HTR2C: variants seen among roughly 807,000 people sequenced by gnomAD.
HTR2C encodes the protein 5-hydroxytryptamine receptor 2C.
Under a neutral mutation model 21.0 loss-of-function variants are expected in HTR2C, and 5 were observed. That is an observed-to-expected ratio of 0.24 (90% confidence interval 0.12 to 0.50). The LOEUF (loss-of-function observed/expected upper bound fraction) is 0.50, where lower values mean the gene tolerates loss of function less well. HTR2C is among the 20% of genes least tolerant of loss of function. The probability of loss-of-function intolerance (pLI) is 0.98; values close to 1 mark genes in which losing one functional copy is unlikely to be tolerated. For missense variants in HTR2C, 271 were observed against 371.2 expected (o/e 0.73, Z 2.22); for synonymous variants, 150 against 145.3 (o/e 1.03, Z -0.23).
intron 2 of HTR2C, among the ~76,000 whole-genome samples, chrX:114,626,685 G>T (rs1312455961): frequency 8.9e-6 from 1 of 112,312 alleles, no homozygotes; most frequent in Non-Finnish European, 1.9e-5. Flanking sequence ...TTAGAGAATT[G>T]ATTTATATTC....
chrX:114,780,246 A>G (rs2070103992), intron 4 of HTR2C, among the ~76,000 whole-genome samples: 1 of 111,235 alleles, frequency 9.0e-6, no homozygotes, highest in African/African-American at 3.3e-5. Context: ...GAATACCGGG[A>G]AACAACTGCG....
At position 114,872,436 on chromosome X, in the gene HTR2C, T is replaced by G. The variant is rs143538856; in HGVS notation, c.550+24233T>G. Among the ~76,000 whole-genome samples the G allele has an allele frequency of 9.4e-3, 1,035 of 110,384 alleles. 8 individuals are homozygous for G. Among genetic ancestry groups the G allele is most frequent in the Non-Finnish European group, 0.014 (744 of 52,692 alleles). ...CTTTCTTCTTTTTCAATATAGGCAT[T>G]ACAGCTACAAGTTTTTCTTCTAAGC... On this transcript the variant is annotated intron_variant, in intron 5 of 5. Transcript: ENST00000276198.
intron 4 of HTR2C, among the ~76,000 whole-genome samples, chrX:114,772,556 T>C (rs782379804): frequency 2.1e-4 from 23 of 110,330 alleles, no homozygotes; most frequent in Non-Finnish European, 4.2e-4. Context: ...GTCAAAGAAG[T>C]ACTTCAATTG....
chrX:114,592,724 T>C (rs1927683481), intron 1 of HTR2C, among the ~76,000 whole-genome samples: 1 of 111,881 alleles, frequency 8.9e-6, no homozygotes, highest in Non-Finnish European at 1.9e-5. Context: ...TTAAATTCCA[T>C]TGTGATTATA....
intron 5 of HTR2C, among the ~76,000 whole-genome samples, chrX:114,851,095 T>G (rs2147491958): frequency 8.9e-6 from 1 of 111,889 alleles, no homozygotes; most frequent in South Asian, 3.6e-4. Context: ...ATATGTAATA[T>G]ACATAGTATA....
At chrX:114,616,103 G>A (rs1200910135) in intron 2 of HTR2C, among the ~76,000 whole-genome samples, 1 of 110,869 alleles carries the variant, frequency 9.0e-6, no homozygotes, top group Non-Finnish European at 1.9e-5. Context: ...TAGAAGGTTG[G>A]AGCTTGATTA....
rs1173322120 is a variant in HTR2C, at chrX:114,584,335, A to G, written c.-471A>G. 2 of 113,123 alleles carry G rather than the reference A, an allele frequency of 1.8e-5. No individual in the cohort carries two copies. Among genetic ancestry groups the G allele is most frequent in the African/African-American group, 3.2e-5 (1 of 31,063 alleles). 9.3% of individuals were successfully genotyped at this position (113,123 alleles called of 1,213,427 possible). ...GAGTAGTGTAGTTAGTTAGGGGCCA[A>G]CGAAGAAGAAAGAAGACGCGATTAG... On this transcript the variant is annotated 5_prime_UTR_variant, in exon 1 of 6. Transcript: ENST00000276198.
At chrX:114,814,001 T>C (rs2070559057) in intron 4 of HTR2C, among the ~76,000 whole-genome samples, 1 of 111,091 alleles carries the variant, frequency 9.0e-6, no homozygotes, top group Non-Finnish European at 1.9e-5. Context: ...ATTAACTCTG[T>C]GTGTGGAGGT....
chrX:114,775,118 C>T (rs1349708024), intron 4 of HTR2C: 1 of 516,595 alleles, frequency 1.9e-6, no homozygotes, highest in East Asian at 3.6e-5. Flanking sequence ...TTGACTGTTG[C>T]TTTCATGTGG....
chrX:114,845,264 C>A (rs1556466968), intron 4 of HTR2C, among the ~76,000 whole-genome samples: 1 of 110,045 alleles, frequency 9.1e-6, no homozygotes, highest in Non-Finnish European at 1.9e-5. Context: ...CAATATTAAA[C>A]AACCAATAAG....
rs782355495 is a variant in HTR2C at position 114,691,300 on chromosome X, A to G, written c.-79-35558A>G. On this transcript the variant is annotated intron_variant, in intron 2 of 5. Transcript: ENST00000276198. ...GGGTAAAATGAAAATCACATTATCA[A>G]CTGCCCGATGCTAAGTGTTAGAGGT... Among the ~76,000 whole-genome samples, 11 of 111,395 alleles carry G rather than the reference A, an allele frequency of 9.9e-5. No homozygotes were observed. In the South Asian group the frequency reaches 4.1e-3, roughly 42 times the overall value.
At chrX:114,790,442 T>A (rs1456230390) in intron 4 of HTR2C, among the ~76,000 whole-genome samples, 1 of 111,851 alleles carries the variant, frequency 8.9e-6, no homozygotes, top group African/African-American at 3.2e-5. Context: ...TACAGTGAAA[T>A]GTTTTACAAA....
intron 4 of HTR2C, among the ~76,000 whole-genome samples, chrX:114,765,245 C>A (rs1395823509): frequency 9.1e-6 from 1 of 110,008 alleles, no homozygotes; most frequent in Non-Finnish European, 1.9e-5. Context: ...AGTTCTCAGT[C>A]CTTACTTCAT....
intron 2 of HTR2C, among the ~76,000 whole-genome samples, chrX:114,637,756 A>G (rs782687809): frequency 1.5e-4 from 17 of 111,383 alleles, no homozygotes; most frequent in African/African-American, 5.2e-4. Context: ...GCAAACTCAC[A>G]CTGACGTGCA....
At chrX:114,903,109 T>G (rs781990274) in intron 5 of HTR2C, among the ~76,000 whole-genome samples, 2 of 111,934 alleles carry the variant, frequency 1.8e-5, no homozygotes, top group Non-Finnish European at 3.8e-5. Flanking sequence ...GGTCCTTGAA[T>G]CACACTTTGA....
rs782538785 is a variant in HTR2C at position 114,858,545 on chromosome X, C to G, written c.550+10342C>G. On this transcript the variant is annotated intron_variant, in intron 5 of 5. Transcript: ENST00000276198. ...TGATATTTTTGCATTTACTCTATAC[C>G]CAGCTATCTAAATTCACTTAACATT... Among the ~76,000 whole-genome samples the G allele has an allele frequency of 5.1e-4, 57 of 111,159 alleles. 1 individual carries two copies. The highest frequency in any genetic ancestry group is 1.5e-3 in the African/African-American group (47 of 30,726).
chrX:114,722,033 AT>A (rs1248401924), intron 2 of HTR2C, among the ~76,000 whole-genome samples: 1 of 109,472 alleles, frequency 9.1e-6, no homozygotes, highest in Non-Finnish European at 1.9e-5. Context: ...ACTTTAAAGT[AT>A]TTTTTTCCAA....
intron 2 of HTR2C, among the ~76,000 whole-genome samples, chrX:114,688,411 G>A (rs1049047931): frequency 1.4e-4 from 15 of 110,478 alleles, no homozygotes; most frequent in Admixed American, 3.9e-4. Flanking sequence ...GTCCTACAGC[G>A]CACACCACTA....
At chrX:114,652,656 G>A (rs1189074424) in intron 2 of HTR2C, 2 of 376,783 alleles carry the variant, frequency 5.3e-6, no homozygotes, top group Non-Finnish European at 1.1e-5. Context: ...GCATATAGCA[G>A]GTCCTCAATA....
Sources: allele counts gnomAD v4.1 joint callset (sites outside exome capture counted in the v4.1 genomes callset), GRCh38; gene constraint gnomAD v4.1.1; transcripts MANE v1.5; gene names NCBI Gene and HGNC (gene_info 2026-07-23, HGNC 2026-07-21).